SPAG16: variants seen among roughly 807,000 people sequenced by gnomAD.
The protein encoded by SPAG16 is sperm associated antigen 16.
In SPAG16, 86 loss-of-function variants were observed where a neutral mutation model predicts 80.4. The ratio of observed to expected loss-of-function variants is 1.07; its 90% confidence interval spans 0.90 to 1.28. The LOEUF is 1.28. Ranked by LOEUF, SPAG16 falls within the 50% of genes most tolerant of loss-of-function variation. The pLI is 0.00. For synonymous variants in SPAG16, 294 were observed against 265.9 expected (o/e 1.11, Z -1.03); for missense variants, 870 against 765.3 (o/e 1.14, Z -1.61).
chr2:214,361,556 T>C (rs1015433002), intron 15 of SPAG16, among the ~76,000 whole-genome samples: 1 of 151,898 alleles, frequency 6.6e-6, no homozygotes, highest in East Asian at 1.9e-4. Flanking sequence ...ACTCAAACAC[T>C]TCATCCAGGT....
intron 15 of SPAG16, among the ~76,000 whole-genome samples, chr2:214,251,150 T>A (rs1009389152): frequency 6.6e-6 from 1 of 151,840 alleles, no homozygotes; most frequent in African/African-American, 2.4e-5. Flanking sequence ...TGTAACATTG[T>A]GAATAAATAC....
chr2:214,112,444 C>A (rs541776932), intron 14 of SPAG16, among the ~76,000 whole-genome samples: 9 of 152,196 alleles, frequency 5.9e-5, no homozygotes, highest in African/African-American at 1.9e-4. Context: ...GTGTGGGAGT[C>A]TAAGTCTTTT....
chr2:213,502,129 T>C (rs2074768400), intron 10 of SPAG16, among the ~76,000 whole-genome samples: 1 of 152,170 alleles, frequency 6.6e-6, no homozygotes, highest in Non-Finnish European at 1.5e-5. Flanking sequence ...TTTGTTGTTG[T>C]TGCTGTTCTT....
chr2:213,845,204 T>TG (rs2074552935), intron 10 of SPAG16, among the ~76,000 whole-genome samples: 1 of 150,558 alleles, frequency 6.6e-6, no homozygotes. Context: ...GTGTTCTTTT[T>TG]TTTTTTTTTT....
At chr2:213,656,689 C>T (rs2063235705) in intron 10 of SPAG16, among the ~76,000 whole-genome samples, 1 of 152,126 alleles carries the variant, frequency 6.6e-6, no homozygotes, top group South Asian at 2.1e-4. Context: ...ATTATGTAGA[C>T]ACTGATTTGG....
At chr2:214,191,558 CA>C (rs1479090192) in intron 15 of SPAG16, among the ~76,000 whole-genome samples, 2 of 150,968 alleles carry the variant, frequency 1.3e-5, no homozygotes, top group South Asian at 2.1e-4. Flanking sequence ...ACTAAAAATA[CA>C]AAAAATTAGC....
At chr2:213,530,981 T>C (rs948640662) in intron 10 of SPAG16, among the ~76,000 whole-genome samples, 1 of 152,174 alleles carries the variant, frequency 6.6e-6, no homozygotes, top group Non-Finnish European at 1.5e-5. Context: ...AAGTTATTTA[T>C]AATCTTTTTT....
chr2:213,474,892 T>G (rs1001919138), intron 9 of SPAG16, among the ~76,000 whole-genome samples: 1 of 152,146 alleles, frequency 6.6e-6, no homozygotes, highest in Non-Finnish European at 1.5e-5. Context: ...GGCAATACCC[T>G]CACAGACACA....
chr2:213,499,554 A>C (rs1031515314), intron 10 of SPAG16, among the ~76,000 whole-genome samples: 6 of 152,178 alleles, frequency 3.9e-5, no homozygotes, highest in African/African-American at 1.2e-4. Context: ...TTATCTACTT[A>C]TAACCTGGCT....
At chr2:214,119,585 C>G (rs1019364378) in intron 14 of SPAG16, among the ~76,000 whole-genome samples, 2 of 152,082 alleles carry the variant, frequency 1.3e-5, no homozygotes, top group African/African-American at 4.8e-5. Context: ...CTTCTAGAAG[C>G]TCTTGCTGGA....
chr2:213,561,655 T>C (rs1047713148), intron 10 of SPAG16, among the ~76,000 whole-genome samples: 1 of 152,224 alleles, frequency 6.6e-6, no homozygotes, highest in East Asian at 1.9e-4. Context: ...ATTCTACTCT[T>C]AAATGTAATG....
At chr2:213,587,895 A>G (rs987629689) in intron 10 of SPAG16, among the ~76,000 whole-genome samples, 3 of 152,220 alleles carry the variant, frequency 2.0e-5, no homozygotes, top group Non-Finnish European at 4.4e-5. Context: ...TAGCGTACCC[A>G]TTATATGATT....
At chr2:213,925,893 C>CT (rs2078451857) in intron 11 of SPAG16, among the ~76,000 whole-genome samples, 1 of 151,964 alleles carries the variant, frequency 6.6e-6, no homozygotes, top group Non-Finnish European at 1.5e-5. Flanking sequence ...TTTTTCCCTC[C>CT]TTTTTTTCTT....
At position 213,799,960 on chromosome 2, in the gene SPAG16, GAA is replaced by G. The variant is rs11296127; in HGVS notation, c.1071-62510_1071-62509del. Among the ~76,000 whole-genome samples the G allele has an allele frequency of 8.2e-3, 1,071 of 130,528 alleles. 3 individuals carry two copies. The highest frequency in any genetic ancestry group is 0.012 in the Non-Finnish European group (766 of 61,620). 85.6% of individuals were successfully genotyped at this position (130,528 alleles called of 152,430 possible). Reference sequence around the variant, plus strand: ...ATGCCCATCAGTGATAGACTGGATTGAAAAAAAAAAAAAAAAGAAAAAACTGT... The same window carrying G: ...ATGCCCATCAGTGATAGACTGGATTGAAAAAAAAAAAAAAGAAAAAACTGT... On this transcript the variant is annotated intron_variant, in intron 10 of 15. Coordinates refer to ENST00000331683, the MANE Select transcript of SPAG16 (RefSeq NM_024532.5).
intron 9 of SPAG16, among the ~76,000 whole-genome samples, chr2:213,488,465 C>T (rs745661098): frequency 2.0e-5 from 3 of 152,088 alleles, no homozygotes; most frequent in African/African-American, 4.8e-5. Context: ...AGACCAAAAA[C>T]TCTGTTCATA....
At chr2:213,647,718 C>T (rs759803376) in intron 10 of SPAG16, among the ~76,000 whole-genome samples, 18 of 152,196 alleles carry the variant, frequency 1.2e-4, no homozygotes, top group Non-Finnish European at 2.4e-4. Flanking sequence ...CTTTTCCAAT[C>T]TCTGTAGGTC....
chr2:213,904,580 A>AT (rs1312316432), intron 11 of SPAG16, among the ~76,000 whole-genome samples: 3 of 140,208 alleles, frequency 2.1e-5, no homozygotes, highest in African/African-American at 5.7e-5. Context: ...AACCATATCA[A>AT]TTAATAAGGA....
At chr2:213,635,615 A>G (rs1574584437) in intron 10 of SPAG16, among the ~76,000 whole-genome samples, 1 of 152,108 alleles carries the variant, frequency 6.6e-6, no homozygotes, top group Non-Finnish European at 1.5e-5. Context: ...TTCTTTCAGC[A>G]GTAGGGTGGT....
At chr2:214,364,232 T>C (rs1699345192) in intron 15 of SPAG16, among the ~76,000 whole-genome samples, 1 of 152,074 alleles carries the variant, frequency 6.6e-6, no homozygotes, top group Non-Finnish European at 1.5e-5. Flanking sequence ...GTCGGACATA[T>C]ACCAGATTCT....
Sources: allele counts gnomAD v4.1 joint callset (sites outside exome capture counted in the v4.1 genomes callset), GRCh38; gene constraint gnomAD v4.1.1; transcripts MANE v1.5; gene names NCBI Gene and HGNC (gene_info 2026-07-23, HGNC 2026-07-21).